Variants in PRDM10 observed in about 807,000 individuals in gnomAD.
The protein encoded by PRDM10 is PR domain zinc finger protein 10.
PRDM10 carries 65 observed loss-of-function variants against 133.1 expected under a neutral mutation model. The ratio of observed to expected loss-of-function variants is 0.49; its 90% CI spans 0.40 to 0.60. PRDM10 has a LOEUF of 0.60. Ranked by LOEUF, PRDM10 falls within the 20% of genes least tolerant of loss-of-function variation. The pLI, the probability that PRDM10 is intolerant of heterozygous loss-of-function variation, is 0.00. For synonymous variants in PRDM10, 582 were observed against 580.4 expected, an observed-to-expected ratio of 1.00 and a Z score of -0.04; for missense variants, 1,137 against 1,507.1, an observed-to-expected ratio of 0.75 and a Z score of 4.07.
Position 129,945,047 on chromosome 11 carries a change from ATTCC to A in PRDM10, c.521-39_521-36del. The A allele has an allele frequency of 6.2e-7, 1 of 1,604,818 alleles. No homozygotes were observed. Among genetic ancestry groups the A allele is most frequent in the Non-Finnish European group, 8.5e-7 (1 of 1,177,758 alleles). ...AGAGACAGTCTTGAAGAAAAGTCCA[ATTCC>A]TCAGTGTGACTTGATGTGAGGTAAA... On this transcript the variant is annotated intron_variant, in intron 5 of 20. Coordinates refer to ENST00000360871, the MANE Select transcript of PRDM10 (RefSeq NM_199437.2). The surrounding 1 kb of genome is among the most constrained non-coding windows in gnomAD (Gnocchi z 4.2).
chr11:129,977,820 G>A (rs1937870995), intron 1 of PRDM10, among the ~76,000 whole-genome samples: 1 of 152,150 alleles, frequency 6.6e-6, no homozygotes, highest in African/African-American at 2.4e-5. Flanking sequence ...GGCAGGCATG[G>A]TGGTGTGCAC....
In PRDM10 at chr11:129,971,830, T is replaced by C. The variant is rs765198234; in HGVS notation, c.-118-10748A>G. ...TGCCTGCCAGTCCCGTGCCGTGCGC[T>C]CGCATTCCTCAGCCCTTGGGTGGTC... On this transcript the variant is annotated intron_variant, in intron 1 of 20. Coordinates refer to ENST00000360871, the MANE Select transcript of PRDM10 (RefSeq NM_199437.2). Among the ~76,000 whole-genome samples, 67 of 152,360 alleles carry C rather than the reference T, an allele frequency of 4.4e-4. 1 individual carries two copies. Among genetic ancestry groups the C allele is most frequent in the Non-Finnish European group, 7.2e-4 (49 of 68,032 alleles).
intron 1 of PRDM10, among the ~76,000 whole-genome samples, chr11:129,998,805 A>C (rs551849849): frequency 5.9e-5 from 9 of 151,824 alleles, no homozygotes; most frequent in African/African-American, 2.2e-4. Flanking sequence ...TGAAATGGTG[A>C]AATGGTGTAA....
chr11:129,989,350 T>C (rs541592813), intron 1 of PRDM10, among the ~76,000 whole-genome samples: 2 of 152,240 alleles, frequency 1.3e-5, no homozygotes, highest in Admixed American at 6.5e-5. Flanking sequence ...TTCTCAGCTA[T>C]GAATAATGAA....
chr11:129,959,752 CTTT>C (rs2135921174), intron 2 of PRDM10, among the ~76,000 whole-genome samples: 1 of 152,070 alleles, frequency 6.6e-6, no homozygotes, highest in East Asian at 1.9e-4. Context: ...ATCAGTGGAA[CTTT>C]TTTAAGTAAT....
chr11:129,924,233 A>T (rs1950608241), intron 12 of PRDM10, among the ~76,000 whole-genome samples: 1 of 152,262 alleles, frequency 6.6e-6, no homozygotes, highest in Admixed American at 6.5e-5. Context: ...CACTAGCAGA[A>T]CTAAAATTAA....
chr11:129,924,824 C>T (rs1209507531), intron 12 of PRDM10, 58 bp downstream of exon 12: 3 of 1,465,312 alleles, frequency 2.0e-6, no homozygotes, highest in African/African-American at 1.4e-5. Context: ...TTCCAAAAAT[C>T]GAAGTTTCTT....
intron 13 of PRDM10, among the ~76,000 whole-genome samples, chr11:129,921,674 C>T (rs781270759): frequency 6.6e-6 from 1 of 152,180 alleles, no homozygotes; most frequent in Non-Finnish European, 1.5e-5. Context: ...CTAAGGGGAA[C>T]TACATTTGAA....
At chr11:129,928,311 C>A (rs1158130413) in intron 11 of PRDM10, among the ~76,000 whole-genome samples, 1 of 151,936 alleles carries the variant, frequency 6.6e-6, no homozygotes, top group East Asian at 1.9e-4. Context: ...CTAAAAGAAC[C>A]TAAATTATTG....
At chr11:129,957,462 T>G (rs1951716745) in intron 3 of PRDM10, among the ~76,000 whole-genome samples, 1 of 152,102 alleles carries the variant, frequency 6.6e-6, no homozygotes, top group African/African-American at 2.4e-5. Flanking sequence ...GGATTACAGG[T>G]GCCCACCACC....
rs182116993 is a variant in PRDM10, at chr11:129,975,410, C to T, written c.-118-14328G>A. The stretch of plus-strand genomic sequence containing the variant: ...ATTGCACTCCAGCCTGGATAACAGG[C>T]GCGAATCTCCATCTCAAAAAAAAAA... On this transcript the variant is annotated intron_variant, in intron 1 of 20. Coordinates refer to ENST00000360871, the MANE Select transcript of PRDM10 (RefSeq NM_199437.2). Among the ~76,000 whole-genome samples the T allele has an allele frequency of 3.3e-5, 5 of 150,972 alleles. No individual in the cohort carries two copies. The East Asian group carries it at 7.8e-4, about 23-fold the overall frequency.
chr11:129,996,407 A>G (rs1279986818), intron 1 of PRDM10, among the ~76,000 whole-genome samples: 1 of 152,218 alleles, frequency 6.6e-6, no homozygotes, highest in East Asian at 1.9e-4. Context: ...AAAATATTTG[A>G]AAAGACTCAA....
chr11:129,952,859 C>G (rs1248422632), intron 4 of PRDM10, among the ~76,000 whole-genome samples: 1 of 152,162 alleles, frequency 6.6e-6, no homozygotes, highest in Non-Finnish European at 1.5e-5. Flanking sequence ...CTCCTACCTA[C>G]TTCCTCCCTC....
intron 7 of PRDM10, among the ~76,000 whole-genome samples, chr11:129,941,391 C>T (rs2135856535): frequency 6.6e-6 from 1 of 152,028 alleles, no homozygotes; most frequent in Non-Finnish European, 1.5e-5. Context: ...TAGTTATTAC[C>T]CCAAAATATA....
chr11:129,959,969 C>CTAA (rs1310047567), intron 2 of PRDM10, among the ~76,000 whole-genome samples: 1 of 151,300 alleles, frequency 6.6e-6, no homozygotes, highest in African/African-American at 2.4e-5. Flanking sequence ...CTTTGTTGCC[C>CTAA]AGGCTGGTCC....
At chr11:129,919,102 G>A (rs1247576049) in intron 13 of PRDM10, among the ~76,000 whole-genome samples, 2 of 152,226 alleles carry the variant, frequency 1.3e-5, no homozygotes, top group African/African-American at 4.8e-5. Context: ...CGGGTGTGGT[G>A]GCTCATGCCT....
rs1006267793 is a variant in PRDM10, at chr11:129,963,027, T to C, written c.-118-1945A>G. Among the ~76,000 whole-genome samples, 3 of 151,912 alleles carry C rather than the reference T, an allele frequency of 2.0e-5. No homozygotes were observed. In the East Asian group the frequency reaches 5.8e-4, roughly 29 times the overall value. ...AGCCAGGTGTGGTGGTGTGCACCTG[T>C]GGTCCCAGCTTCTTGGGAGTCTGAG... On this transcript the variant is annotated intron_variant, in intron 1 of 20. Transcript: ENST00000360871.
chr11:129,902,208 C>G lies in PRDM10; in HGVS notation c.*105G>C. The G allele has an allele frequency of 6.9e-7, 1 of 1,440,594 alleles. No individual in the cohort carries two copies. The highest frequency in any genetic ancestry group is 9.4e-7 in the Non-Finnish European group (1 of 1,065,570). The allele number at this position is 1,440,594 out of a possible 1,614,324, so 89.2% of individuals were successfully genotyped here. A position where few individuals can be genotyped will look rare whatever the true frequency, so the allele number is the denominator to read the frequency against. The stretch of plus-strand genomic sequence containing the variant: ...GAGACAAAACTGTGGTTTCCGAACT[C>G]TTGAGTGAATAATAAATCTTACAAA... On this transcript the variant is annotated 3_prime_UTR_variant, in exon 21 of 21. Coordinates refer to ENST00000360871, the MANE Select transcript of PRDM10 (RefSeq NM_199437.2).
chr11:129,933,458 T>C (rs191976211), intron 9 of PRDM10, among the ~76,000 whole-genome samples: 18 of 152,332 alleles, frequency 1.2e-4, no homozygotes, highest in East Asian at 7.7e-4. Flanking sequence ...TCTCTCTGAA[T>C]CATAAGAACT....
Sources: allele counts gnomAD v4.1 joint callset (sites outside exome capture counted in the v4.1 genomes callset), GRCh38; gene constraint gnomAD v4.1.1; non-coding constraint Gnocchi (gnomAD v3.1); transcripts MANE v1.5; gene names NCBI Gene and HGNC (gene_info 2026-07-23, HGNC 2026-07-21).